The following SPTLC1 variants were observed in gnomAD, a reference collection of about 807,000 sequenced individuals.
SPTLC1 encodes the protein serine palmitoyltransferase long chain base subunit 1, also known as serine palmitoyltransferase 1.
A neutral mutation model predicts 68.9 loss-of-function variants in SPTLC1; 55 were observed. The observed-to-expected ratio is 0.80, with a 90% CI of 0.64 to 1.00. The LOEUF (loss-of-function observed/expected upper bound fraction) is 1.00. Ranked by LOEUF, SPTLC1 falls within the 50% of genes least tolerant of loss-of-function variation. SPTLC1 has a pLI of 0.00. For synonymous variants in SPTLC1, 197 were observed against 201.6 expected (o/e 0.98, Z 0.19); for missense variants, 449 against 573.1 (o/e 0.78, Z 2.21).
intron 3 of SPTLC1, among the ~76,000 whole-genome samples, chr9:92,085,728 G>A (rs1418569754): frequency 6.6e-6 from 1 of 152,076 alleles, no homozygotes; most frequent in Admixed American, 6.5e-5. Context: ...GTTGATTTGG[G>A]GTGGAGAGTT....
intron 5 of SPTLC1, among the ~76,000 whole-genome samples, chr9:92,069,124 C>T (rs1013218491): frequency 5.9e-5 from 9 of 152,094 alleles, no homozygotes; most frequent in Non-Finnish European, 1.3e-4. Context: ...ATGAGTGAGC[C>T]GTGATGTGTC....
At chr9:92,098,840 ACC>A (rs1835639159) in intron 3 of SPTLC1, among the ~76,000 whole-genome samples, 4 of 152,206 alleles carry the variant, frequency 2.6e-5, no homozygotes, top group Admixed American at 2.6e-4. Context: ...CTCCAGGGCC[ACC>A]CTGTGTAGCA....
intron 3 of SPTLC1, among the ~76,000 whole-genome samples, chr9:92,081,962 A>G (rs1407772885): frequency 6.6e-6 from 1 of 152,230 alleles, no homozygotes; most frequent in Non-Finnish European, 1.5e-5. Context: ...TAAATTCATG[A>G]AAGCGAACTA....
intron 12 of SPTLC1, among the ~76,000 whole-genome samples, chr9:92,039,123 G>C (rs1000563279): frequency 6.6e-6 from 1 of 151,928 alleles, no homozygotes; most frequent in African/African-American, 2.4e-5. Context: ...CTCCAGCTTG[G>C]GTGACAGAGC....
chr9:92,060,912 C>CA (rs200973343), intron 6 of SPTLC1, among the ~76,000 whole-genome samples: 30,871 of 104,482 alleles, frequency 0.3, 3,589 homozygotes, highest in Admixed American at 0.35. Flanking sequence ...GACTCTGTCT[C>CA]AAAAAAAAAA....
In SPTLC1 at chr9:92,032,220, T is replaced by A; in HGVS notation, c.*245A>T. On this transcript the variant is annotated 3_prime_UTR_variant, in exon 15 of 15. Coordinates refer to ENST00000262554, the MANE Select transcript of SPTLC1 (RefSeq NM_006415.4). Reference sequence around the variant, plus strand: ...CTAAATGCACAATTTAAACATCAGTTATACACTGTCATTAGTTTTCCTCTT... The same window carrying A: ...CTAAATGCACAATTTAAACATCAGTAATACACTGTCATTAGTTTTCCTCTT... 1.4e-6 allele frequency: 2 copies of A among 1,396,024 alleles called. No homozygotes were observed. The highest frequency in any genetic ancestry group is 4.3e-4 in the Middle Eastern group (2 of 4,602). The allele number at this position is 1,396,024 out of a possible 1,614,324, so 86.5% of individuals were successfully genotyped here.
chr9:92,077,480 C>T (rs1344817506), intron 5 of SPTLC1, among the ~76,000 whole-genome samples: 2 of 152,146 alleles, frequency 1.3e-5, no homozygotes, highest in East Asian at 1.9e-4. Flanking sequence ...GGGTTCATCG[C>T]TCCAGGATAA....
At position 92,047,618 on chromosome 9, in the gene SPTLC1, GGTCAATTACAAAAGACCT is replaced by G; in HGVS notation, c.961_978del (p.Arg321_Asp326del). 6.2e-7 allele frequency: 1 copy of G among 1,608,874 alleles called. No individual in the cohort carries two copies. Among genetic ancestry groups the G allele is most frequent in the Non-Finnish European group, 8.5e-7 (1 of 1,175,480 alleles). Reference sequence around the variant, plus strand: ...TGTTTTTAAAAAGAACCCACCTGATGGTCAATTACAAAAGACCTGCCACAGCAGAAACCTCCAATAGAA... The same window carrying G: ...TGTTTTTAAAAAGAACCCACCTGATGGCCACAGCAGAAACCTCCAATAGAA... On this transcript the variant is annotated inframe_deletion, in exon 10 of 15. Coordinates refer to ENST00000262554, the MANE Select transcript of SPTLC1 (RefSeq NM_006415.4).
chr9:92,061,937 A>T (rs932353036), intron 6 of SPTLC1, among the ~76,000 whole-genome samples: 3 of 152,216 alleles, frequency 2.0e-5, no homozygotes, highest in African/African-American at 7.2e-5. Flanking sequence ...GTGAACAAAC[A>T]AGAAACAAAA....
In SPTLC1 at chr9:92,113,156, C is replaced by T. The variant is rs150387347; in HGVS notation, c.58-594G>A. Among the ~76,000 whole-genome samples, 423 of 152,232 alleles carry T rather than the reference C, an allele frequency of 2.8e-3. 2 individuals are homozygous for T. Among genetic ancestry groups the T allele is most frequent in the African/African-American group, 9.2e-3 (381 of 41,540 alleles). On this transcript the variant is annotated intron_variant, in intron 1 of 14. Transcript: ENST00000262554. ...AACACAGAATCCCAATATTAACCAT[C>T]GGATTATTTAATTTCAGTGGTTCTT...
At position 92,034,883 on chromosome 9, in the gene SPTLC1, A is replaced by G. The variant is rs1045149538; in HGVS notation, c.1255T>C (p.Cys419Arg). The G allele has an allele frequency of 3.7e-6, 6 of 1,614,054 alleles. No individual in the cohort carries two copies. The highest frequency in any genetic ancestry group is 5.1e-6 in the Non-Finnish European group (6 of 1,179,926). Residue 419 changes from cysteine (C) to arginine (R), a missense_variant and splice_region_variant, in exon 14 of 15, where the codon TGC (cysteine) becomes CGC (arginine). This residue lies in a region of SPTLC1 where 391 missense variants were observed against 472.1 expected (regional missense o/e 0.83). Coordinates refer to ENST00000262554, the MANE Select transcript of SPTLC1 (RefSeq NM_006415.4). ...VRLLQEIVDQCMNRSIALTQA... is the reference protein window; with the variant it reads ...VRLLQEIVDQRMNRSIALTQA... ...GTTAATGCAATACTTCTGTTCATGC[A>G]CTGTAGGAAGAAAAAGAAGACATCT...
chr9:92,104,853 A>G, intron 3 of SPTLC1: 1 of 1,531,540 alleles, frequency 6.5e-7, no homozygotes. Flanking sequence ...AGCTTGACAG[A>G]AAACAACCAG....
At position 92,054,015 on chromosome 9, in the gene SPTLC1, C is replaced by T. The variant is rs1370815792; in HGVS notation, c.780+1390G>A. 11 of 975,076 alleles carry T rather than the reference C, an allele frequency of 1.1e-5. No individual in the cohort carries two copies. In the South Asian group the frequency reaches 4.7e-4, roughly 42 times the overall value. 60.4% of individuals were successfully genotyped at this position (975,076 alleles called of 1,614,324 possible). On this transcript the variant is annotated intron_variant, in intron 8 of 14. Coordinates refer to ENST00000262554, the MANE Select transcript of SPTLC1 (RefSeq NM_006415.4). ...GCTAAGTTTTGGCCATGCGTGGTGG[C>T]TCACGCCTGTAATCTCAGCACTTTG...
At chr9:92,040,236 G>A (rs989288933) in intron 12 of SPTLC1, among the ~76,000 whole-genome samples, 1 of 151,810 alleles carries the variant, frequency 6.6e-6, no homozygotes, top group Non-Finnish European at 1.5e-5. Context: ...CAGGTGTGGT[G>A]GTGGACACCT....
chr9:92,068,185 T>C (rs1834360152), intron 5 of SPTLC1, 87 bp from the exon 6 acceptor site: 1 of 1,320,182 alleles, frequency 7.6e-7, no homozygotes, highest in African/African-American at 1.5e-5. Flanking sequence ...ACAAGCAGTA[T>C]AATTATCAAT....
chr9:92,089,724 G>A (rs1024958228), intron 3 of SPTLC1, among the ~76,000 whole-genome samples: 1 of 152,120 alleles, frequency 6.6e-6, no homozygotes, highest in African/African-American at 2.4e-5. Context: ...AGAATTCATG[G>A]GAGACAGAAA....
intron 7 of SPTLC1, among the ~76,000 whole-genome samples, chr9:92,056,093 A>T (rs1833881040): frequency 6.6e-6 from 1 of 151,792 alleles, no homozygotes; most frequent in Admixed American, 6.5e-5. Flanking sequence ...AAGTTAAAAA[A>T]CTCAAACCGT....
At chr9:92,040,470 C>G (rs1340277574) in intron 12 of SPTLC1, among the ~76,000 whole-genome samples, 1 of 152,046 alleles carries the variant, frequency 6.6e-6, no homozygotes, top group African/African-American at 2.4e-5. Flanking sequence ...CAATTTTCCT[C>G]AAGAAATACA....
At chr9:92,105,891 T>C (rs1835957686) in intron 3 of SPTLC1, among the ~76,000 whole-genome samples, 1 of 146,238 alleles carries the variant, frequency 6.8e-6, no homozygotes. Flanking sequence ...CGCCGTCCTG[T>C]CTGCGAAGTG....
Sources: allele counts gnomAD v4.1 joint callset (sites outside exome capture counted in the v4.1 genomes callset), GRCh38; gene constraint gnomAD v4.1.1; regional missense constraint gnomAD v4.1.1; transcripts MANE v1.5; gene names NCBI Gene and HGNC (gene_info 2026-07-23, HGNC 2026-07-21).